The following EMC1 variants were observed in gnomAD, a reference collection of about 807,000 sequenced individuals.
EMC1 encodes ER membrane protein complex subunit 1.
Under a neutral mutation model 128.8 loss-of-function variants are expected in EMC1, and 103 were observed. The ratio of observed to expected loss-of-function variants is 0.80; its 90% CI spans 0.68 to 0.94. The LOEUF (loss-of-function observed/expected upper bound fraction) is 0.94. Ranked by LOEUF, EMC1 falls within the 40% of genes least tolerant of loss-of-function variation. The pLI is 0.00. For synonymous variants in EMC1, 442 were observed against 490.4 expected (o/e 0.90, Z 1.30); for missense variants, 1,083 against 1,250.6 (o/e 0.87, Z 2.02).
chr1:19,232,507 A>C, intron 15 of EMC1, 117 bp downstream of exon 15: 1 of 1,154,118 alleles, frequency 8.7e-7, no homozygotes. Context: ...ACAGAGTTCT[A>C]ACCCCTGAAT....
At position 19,240,402 on chromosome 1, in the gene EMC1, A is replaced by G. The variant is rs1286119853; in HGVS notation, c.681T>C (p.Cys227=). The change falls in exon 7 of 23, where the codon TGT becomes TGC. Residue 227 remains cysteine (C), a synonymous_variant. Coordinates refer to ENST00000477853, the MANE Select transcript of EMC1 (RefSeq NM_015047.3). ...CCAGGACAGCCTCATCCACCACACC[A>G]CAGGCTCCAGACAGGTGCTGCAGCC... is the stretch of plus-strand genomic sequence containing the variant. ...TPWLQHLSGA[C]GVVDEAVLVC... The G allele has an allele frequency of 4.3e-6, 7 of 1,614,036 alleles. No homozygotes were observed. In the Admixed American group the frequency reaches 5.0e-5, roughly 12 times the overall value.
intron 19 of EMC1, 126 bp downstream of exon 19, chr1:19,223,270 G>A (rs1225073995): frequency 3.4e-5 from 29 of 864,480 alleles, no homozygotes; most frequent in Non-Finnish European, 3.5e-5. Flanking sequence ...TAACCGGCAC[G>A]CTTTGCTGCC....
chr1:19,227,412 G>A lies in EMC1; in HGVS notation c.2103C>T (p.Pro701=). ...TTELSWELTI[P]PEVQRIVKVK... is the part of the protein sequence containing the mutation. ...CCTTGACGATCCGCTGTACTTCTGG[G>A]GGAATGGTCAGCTCCCAACTCAGCT... The change falls in exon 18 of 23, where the codon CCC becomes CCT. Residue 701 remains proline, a synonymous_variant. Coordinates refer to ENST00000477853, the MANE Select transcript of EMC1 (RefSeq NM_015047.3). The A allele has an allele frequency of 1.2e-6, 2 of 1,614,206 alleles. No homozygotes were observed. The highest frequency in any genetic ancestry group is 4.5e-5 in the East Asian group (2 of 44,884).
chr1:19,226,824 T>C (rs1462009051), intron 18 of EMC1, among the ~76,000 whole-genome samples: 1 of 151,830 alleles, frequency 6.6e-6, no homozygotes, highest in African/African-American at 2.4e-5. Context: ...TCCACCCACC[T>C]CGACCTCTCA....
chr1:19,241,292 G>A, intron 5 of EMC1, 150 bp from the exon 6 acceptor site: 1 of 826,600 alleles, frequency 1.2e-6, no homozygotes, highest in South Asian at 1.8e-5. Flanking sequence ...TTTTGTTGTT[G>A]TTGTTCTTAA....
At chr1:19,238,210 G>C in intron 10 of EMC1, 71 bp from the exon 11 acceptor site, 2 of 1,570,968 alleles carry the variant, frequency 1.3e-6, no homozygotes, top group South Asian at 2.3e-5. Context: ...GGAAGTCCAA[G>C]GATTGGGGGC....
intron 17 of EMC1, among the ~76,000 whole-genome samples, chr1:19,228,701 G>GA (rs1465791464): frequency 1.3e-5 from 2 of 151,770 alleles, no homozygotes; most frequent in African/African-American, 2.4e-5. Flanking sequence ...CCCATTAAAT[G>GA]AAAAAAAGCA....
chr1:19,251,502 G>A lies in EMC1; in HGVS notation c.8C>T (p.Ala3Val), dbSNP rs552276163. 2.2e-5 allele frequency: 35 copies of A among 1,614,106 alleles called. No homozygotes were observed. In the East Asian group the frequency reaches 7.4e-4, roughly 34 times the overall value. The change falls in exon 1 of 23, where the codon GCT becomes GTT. Residue 3 changes from alanine to valine, a missense_variant. By Grantham distance (64) the Ala-to-Val change is moderately conservative (BLOSUM62 0). Transcript: ENST00000477853. MA[A>V]EWASRFWLWA... ...AAGCCAGAAACGAGAAGCCCACTCAGCCGCCATGATGCGAGCGCATGCACC... is the reference window on the plus strand; with the variant it reads ...AAGCCAGAAACGAGAAGCCCACTCAACCGCCATGATGCGAGCGCATGCACC...
In EMC1 at chr1:19,242,448, G is replaced by A. The variant is rs1165170369; in HGVS notation, c.406C>T (p.Leu136=). ...GSFQALGLVG[L]QESVRYIAVL... The stretch of plus-strand genomic sequence containing the variant: ...GCGATGTACCTTACAGACTCCTGCA[G>A]GCCAACCAGCCCAAGTGCCTGGAAA... The change falls in exon 5 of 23, where the codon CTG becomes TTG. Residue 136 remains leucine (L), a synonymous_variant. Transcript: ENST00000477853. The A allele has an allele frequency of 6.2e-7, 1 of 1,614,154 alleles. No individual in the cohort carries two copies. Among genetic ancestry groups the A allele is most frequent in the East Asian group, 2.2e-5 (1 of 44,884 alleles).
intron 19 of EMC1, 75 bp from the exon 20 acceptor site, chr1:19,222,909 C>T: frequency 9.0e-7 from 1 of 1,117,160 alleles, no homozygotes; most frequent in South Asian, 1.5e-5. Flanking sequence ...CTGGAAGGCA[C>T]CCCTCTAATT....
At chr1:19,238,936 T>C in intron 9 of EMC1, 79 bp from the exon 10 acceptor site, 2 of 1,057,270 alleles carry the variant, frequency 1.9e-6, no homozygotes, top group East Asian at 2.4e-5. Flanking sequence ...TTTGTTTTTG[T>C]CTTCTTAGCA....
At position 19,242,449 on chromosome 1, in the gene EMC1, G is replaced by A. The variant is rs767046971; in HGVS notation, c.405C>T (p.Gly135=). 1 of 1,614,120 alleles carries A rather than the reference G, an allele frequency of 6.2e-7. No homozygotes were observed. The highest frequency in any genetic ancestry group is 8.5e-7 in the Non-Finnish European group (1 of 1,180,008). Residue 135 remains glycine, a synonymous_variant, in exon 5 of 23, where the codon GGC becomes GGT. Coordinates refer to ENST00000477853, the MANE Select transcript of EMC1 (RefSeq NM_015047.3). The part of the protein sequence containing the change: ...SGSFQALGLV[G]LQESVRYIAV... ...CGATGTACCTTACAGACTCCTGCAG[G>A]CCAACCAGCCCAAGTGCCTGGAAAC... is the stretch of plus-strand genomic sequence containing the variant.
intron 13 of EMC1, chr1:19,234,320 G>A (rs755333828): frequency 2.0e-4 from 44 of 222,642 alleles, no homozygotes; most frequent in Admixed American, 1.3e-3. Flanking sequence ...TGGATGAATG[G>A]AGAGAAGAGA....
rs2093379826 is a variant in EMC1, at chr1:19,215,673, A to G, written c.*3630T>C. The G allele has an allele frequency of 7.0e-6, 1 of 142,524 alleles. No homozygotes were observed. Among genetic ancestry groups the G allele is most frequent in the Non-Finnish European group, 1.5e-5 (1 of 64,756 alleles). The allele number at this position is 142,524 out of a possible 1,614,324, so 8.8% of individuals were successfully genotyped here. A position where few individuals can be genotyped will look rare whatever the true frequency, so the allele number is the denominator to read the frequency against. ...AAAACAGAATGGTTTCATGATTTAA[A>G]AGCAATTTTTTCATTTTATTTATTT... is the stretch of plus-strand genomic sequence containing the variant. On this transcript the variant is annotated 3_prime_UTR_variant, in exon 23 of 23. Coordinates refer to ENST00000477853, the MANE Select transcript of EMC1 (RefSeq NM_015047.3).
chr1:19,227,550 T>G lies in EMC1; in HGVS notation c.2065-100A>C, dbSNP rs545938553. On this transcript the variant is annotated intron_variant, in intron 17 of 22. Coordinates refer to ENST00000477853, the MANE Select transcript of EMC1 (RefSeq NM_015047.3). ...TACAGTTCATTATTTGAGGCCTTTGTGCAGGAAGGAATAGAGATCAGAACT... is the reference window on the plus strand; with the variant it reads ...TACAGTTCATTATTTGAGGCCTTTGGGCAGGAAGGAATAGAGATCAGAACT... The G allele has an allele frequency of 5.9e-5, 82 of 1,378,852 alleles. No homozygotes were observed. The East Asian group carries it at 1.8e-3, about 31-fold the overall frequency. 85.4% of individuals were successfully genotyped at this position (1,378,852 alleles called of 1,614,324 possible).
Position 19,223,439 on chromosome 1 carries a change from G to C in EMC1, c.2333C>G (p.Ala778Gly). Reference protein sequence around the residue: ...RIIHSSVQKKAKGPVHIVHSE... With the variant: ...RIIHSSVQKKGKGPVHIVHSE... ...ATGCACGATATGGACAGGGCCTTTG[G>C]CTTTCTTCTGCACAGAGGAGTGAAT... Residue 778 changes from alanine (A) to glycine (G), a missense_variant, in exon 19 of 23, where the codon GCC (alanine) becomes GGC (glycine). Physicochemically the swap from Ala to Gly is moderately conservative, Grantham distance 60. Transcript: ENST00000477853. 1 of 1,614,184 alleles carries C rather than the reference G, an allele frequency of 6.2e-7. No individual in the cohort carries two copies. Among genetic ancestry groups the C allele is most frequent in the South Asian group, 1.1e-5 (1 of 91,088 alleles).
intron 12 of EMC1, 58 bp downstream of exon 12, chr1:19,237,084 T>C (rs2093570904): frequency 2.4e-6 from 3 of 1,241,444 alleles, no homozygotes; most frequent in Non-Finnish European, 3.6e-6. Context: ...ACAGTCTGAT[T>C]GGAACACATT....
At chr1:19,225,323 T>A (rs2093464397) in intron 18 of EMC1, among the ~76,000 whole-genome samples, 1 of 151,834 alleles carries the variant, frequency 6.6e-6, no homozygotes, top group African/African-American at 2.4e-5. Context: ...TTAAGACCAA[T>A]CTGAACAACA....
At chr1:19,248,927 A>G (rs940221601) in intron 1 of EMC1, among the ~76,000 whole-genome samples, 1 of 152,176 alleles carries the variant, frequency 6.6e-6, no homozygotes, top group African/African-American at 2.4e-5. Flanking sequence ...GCATGGTAGC[A>G]TATGCCTGTA....
Sources: gnomAD v4.1 joint callset for allele counts (sites outside exome capture counted in the v4.1 genomes callset) on GRCh38, gnomAD v4.1.1 for gene constraint, MANE v1.5 for transcripts, NCBI Gene and HGNC (gene_info 2026-07-23, HGNC 2026-07-21) for gene names.